Variants in EHBP1 observed in about 807,000 individuals in gnomAD.
EHBP1 encodes the protein EH domain binding protein 1.
EHBP1 carries 55 observed loss-of-function variants against 144.0 expected under a neutral mutation model. That is an observed-to-expected ratio of 0.38 (90% confidence interval 0.31 to 0.48). The LOEUF is 0.48. EHBP1 is among the 20% of genes least tolerant of loss of function. The pLI, the probability that EHBP1 is intolerant of heterozygous loss-of-function variation, is 0.98. For synonymous variants in EHBP1, 469 were observed against 472.7 expected (o/e 0.99, Z 0.10); for missense variants, 1,200 against 1,364.2 (o/e 0.88, Z 1.90).
chr2:62,929,596 A>G (rs1228842512), intron 10 of EHBP1, among the ~76,000 whole-genome samples: 1 of 152,224 alleles, frequency 6.6e-6, no homozygotes. Context: ...AAAGTCATAT[A>G]TGAAAAACCC....
chr2:62,831,280 T>C (rs2046808515), intron 7 of EHBP1, 122 bp downstream of exon 7: 1 of 941,454 alleles, frequency 1.1e-6, no homozygotes, highest in Non-Finnish European at 1.5e-6. Context: ...TTTAAGCCTT[T>C]CTACAATAAA....
intron 10 of EHBP1, among the ~76,000 whole-genome samples, chr2:62,938,842 C>G (rs1372660132): frequency 6.6e-6 from 1 of 151,890 alleles, no homozygotes; most frequent in Non-Finnish European, 1.5e-5. Context: ...AAGGAAAAAA[C>G]TTTTTATGAT....
intron 10 of EHBP1, among the ~76,000 whole-genome samples, chr2:62,928,421 A>C (rs2055705705): frequency 6.6e-6 from 1 of 152,126 alleles, no homozygotes; most frequent in Non-Finnish European, 1.5e-5. Context: ...CCTCTAGAAA[A>C]GACTGGCCTT....
intron 9 of EHBP1, among the ~76,000 whole-genome samples, chr2:62,872,638 A>T (rs914295566): frequency 1.3e-5 from 2 of 152,126 alleles, no homozygotes; most frequent in African/African-American, 4.8e-5. Context: ...TAAAATTTAC[A>T]TGTCAGTGAT....
intron 16 of EHBP1, among the ~76,000 whole-genome samples, chr2:62,991,437 A>G (rs1485158706): frequency 6.6e-6 from 1 of 152,116 alleles, no homozygotes; most frequent in Non-Finnish European, 1.5e-5. Context: ...TTGCTAAGAC[A>G]AATACTGTTA....
chr2:62,746,926 A>T (rs1210679838), intron 2 of EHBP1, among the ~76,000 whole-genome samples: 1 of 152,016 alleles, frequency 6.6e-6, no homozygotes, highest in East Asian at 1.9e-4. Flanking sequence ...GATTGAGATG[A>T]TTGGCTATAA....
chr2:62,788,196 A>C (rs2042941185), intron 5 of EHBP1, among the ~76,000 whole-genome samples: 1 of 152,220 alleles, frequency 6.6e-6, no homozygotes, highest in Non-Finnish European at 1.5e-5. Context: ...TTGCTTAAAA[A>C]TATGCTAGCT....
chr2:62,796,070 C>T (rs1379383734), intron 5 of EHBP1, among the ~76,000 whole-genome samples: 3 of 151,730 alleles, frequency 2.0e-5, no homozygotes, highest in African/African-American at 2.4e-5. Context: ...TATAATTTGT[C>T]CTTGCCCACC....
intron 7 of EHBP1, among the ~76,000 whole-genome samples, chr2:62,835,632 CGCGCACCGTGCGCGA>C (rs2047160503): frequency 6.6e-6 from 1 of 152,070 alleles, no homozygotes; most frequent in Non-Finnish European, 1.5e-5. Context: ...CCAGTGGGTG[CGCGCACCGTGCGCGA>C]GCCGAAGCAG....
chr2:62,898,130 ATT>A (rs2053095006), intron 10 of EHBP1, among the ~76,000 whole-genome samples: 2 of 152,148 alleles, frequency 1.3e-5, no homozygotes, highest in African/African-American at 4.8e-5. Flanking sequence ...CGGTAATTTT[ATT>A]CTGCAGGTTA....
At chr2:62,817,524 T>C (rs770693327) in intron 5 of EHBP1, among the ~76,000 whole-genome samples, 6 of 152,156 alleles carry the variant, frequency 3.9e-5, no homozygotes, top group Admixed American at 6.5e-5. Flanking sequence ...CCTGGTGATA[T>C]AGGGCCTGTC....
intron 10 of EHBP1, among the ~76,000 whole-genome samples, chr2:62,938,814 AAAGAAG>A (rs577376585): frequency 7.9e-5 from 12 of 152,110 alleles, no homozygotes; most frequent in Admixed American, 7.2e-4. Flanking sequence ...GGGAAAAAAA[AAAGAAG>A]AAGAAGAAGA....
intron 2 of EHBP1, among the ~76,000 whole-genome samples, chr2:62,714,341 A>G (rs2035457580): frequency 6.6e-6 from 1 of 152,248 alleles, no homozygotes; most frequent in Non-Finnish European, 1.5e-5. Flanking sequence ...CTCTGTGCTC[A>G]GGCTCTAAAC....
intron 8 of EHBP1, among the ~76,000 whole-genome samples, chr2:62,863,837 G>GTT (rs1354945636): frequency 0.048 from 3,569 of 74,148 alleles, 619 homozygotes; most frequent in Non-Finnish European, 0.055. Context: ...ATTTTTCTGT[G>GTT]TTGTTTTTTT....
intron 10 of EHBP1, among the ~76,000 whole-genome samples, chr2:62,882,337 C>T (rs918358643): frequency 1.3e-5 from 2 of 152,122 alleles, no homozygotes; most frequent in African/African-American, 4.8e-5. Flanking sequence ...ATGGAAAGAG[C>T]AGATGGTAGA....
intron 5 of EHBP1, among the ~76,000 whole-genome samples, chr2:62,778,304 C>T (rs867872977): frequency 5.3e-5 from 8 of 151,948 alleles, no homozygotes; most frequent in Non-Finnish European, 1.0e-4. Flanking sequence ...TTTGGGAGCC[C>T]GAGGTGGAAG....
chr2:62,824,178 A>G (rs1039751001), intron 5 of EHBP1, among the ~76,000 whole-genome samples: 5 of 152,026 alleles, frequency 3.3e-5, no homozygotes, highest in African/African-American at 1.2e-4. Flanking sequence ...TTCTTAAACT[A>G]AGTTTTCAAA....
chr2:62,786,178 G>A (rs766337933), intron 5 of EHBP1, among the ~76,000 whole-genome samples: 39 of 152,188 alleles, frequency 2.6e-4, no homozygotes, highest in Non-Finnish European at 5.1e-4. Context: ...TGTAGTCTGA[G>A]GTGGTTGGGG....
intron 10 of EHBP1, among the ~76,000 whole-genome samples, chr2:62,929,127 T>G (rs182219239): frequency 2.6e-5 from 4 of 152,336 alleles, no homozygotes; most frequent in Admixed American, 6.5e-5. Flanking sequence ...CTGAACCTAA[T>G]GGCTTCACCA....
Sources: allele counts gnomAD v4.1 joint callset (sites outside exome capture counted in the v4.1 genomes callset), GRCh38; gene constraint gnomAD v4.1.1; transcripts MANE v1.5; gene names NCBI Gene and HGNC (gene_info 2026-07-23, HGNC 2026-07-21).